The following ACP2 variants were observed in gnomAD, a reference collection of about 807,000 sequenced individuals.
The protein encoded by ACP2 is acid phosphatase 2, lysosomal, also known as lysosomal acid phosphatase.
Under a neutral mutation model 54.7 loss-of-function variants are expected in ACP2, and 35 were observed. The ratio of observed to expected loss-of-function variants is 0.64; its 90% CI spans 0.49 to 0.85. The LOEUF (loss-of-function observed/expected upper bound fraction) is 0.85, where lower values mean the gene tolerates loss of function less well. ACP2 is among the 40% of genes least tolerant of loss of function. The probability of loss-of-function intolerance (pLI) is 0.00; values close to 1 mark genes in which losing one functional copy is unlikely to be tolerated. For synonymous variants in ACP2, 210 were observed against 224.4 expected (o/e 0.94, Z 0.57); for missense variants, 492 against 565.0 (o/e 0.87, Z 1.31).
At chr11:47,246,695 A>T (rs1308697170) in intron 3 of ACP2, among the ~76,000 whole-genome samples, 2 of 151,876 alleles carry the variant, frequency 1.3e-5, no homozygotes, top group African/African-American at 4.8e-5. Flanking sequence ...GGCCAACATG[A>T]TGAAATCCTG....
Position 47,239,963 on chromosome 11 carries a change from C to A in ACP2, c.*153G>T. On this transcript the variant is annotated 3_prime_UTR_variant, in exon 11 of 11. Transcript: ENST00000672073. ...AATGCTGAGTGACAGGCACCATGGGCCACGCTGAGCCCCACTCGCTCATCT... is the reference window on the plus strand; with the variant it reads ...AATGCTGAGTGACAGGCACCATGGGACACGCTGAGCCCCACTCGCTCATCT... 1.4e-6 allele frequency: 1 copy of A among 720,286 alleles called. No homozygotes were observed. The highest frequency in any genetic ancestry group is 2.3e-6 in the Non-Finnish European group (1 of 443,422). 44.6% of individuals were successfully genotyped at this position (720,286 alleles called of 1,614,324 possible).
rs1322331794 is a variant in ACP2 at position 47,248,793 on chromosome 11, C to T, written c.-4G>A. On this transcript the variant is annotated 5_prime_UTR_variant, in exon 1 of 11. Coordinates refer to ENST00000672073, the MANE Select transcript of ACP2 (RefSeq NM_001610.4). Reference sequence around the variant, plus strand: ...AGCCGGACCGCTTGCCCGCCATCACCGTTGTAATCTATGCAGCAAACAAGC... The same window carrying T: ...AGCCGGACCGCTTGCCCGCCATCACTGTTGTAATCTATGCAGCAAACAAGC... 3 of 1,588,046 alleles carry T rather than the reference C, an allele frequency of 1.9e-6. No individual in the cohort carries two copies. Among genetic ancestry groups the T allele is most frequent in the Non-Finnish European group, 2.6e-6 (3 of 1,166,868 alleles).
intron 10 of ACP2, 31 bp from the exon 11 acceptor site, chr11:47,240,280 T>G (rs200729606): frequency 6.2e-6 from 7 of 1,120,292 alleles, no homozygotes; most frequent in Non-Finnish European, 9.6e-6. Context: ...AGAAAGGTCA[T>G]GTCAGCGTTC....
intron 2 of ACP2, 106 bp from the exon 3 acceptor site, chr11:47,247,833 A>G (rs947551990): frequency 8.7e-7 from 1 of 1,146,974 alleles, no homozygotes; most frequent in Non-Finnish European, 1.2e-6. Context: ...TGCTGGAGTC[A>G]ATTAATCTGA....
intron 3 of ACP2, chr11:47,247,286 C>T: frequency 3.3e-6 from 1 of 306,876 alleles, no homozygotes; most frequent in Non-Finnish European, 6.2e-6. Flanking sequence ...AGACAGAGAT[C>T]ATATCTGTAT....
chr11:47,245,025 T>A, intron 6 of ACP2, 158 bp from the exon 7 acceptor site: 1 of 1,355,076 alleles, frequency 7.4e-7, no homozygotes, highest in Non-Finnish European at 9.9e-7. Context: ...GCGGTGTGGA[T>A]GCTTCAGGGC....
intron 7 of ACP2, 139 bp downstream of exon 7, chr11:47,244,596 G>A (rs1434417071): frequency 1.6e-5 from 9 of 576,784 alleles, no homozygotes; most frequent in South Asian, 4.4e-5. Flanking sequence ...GGTGACTAGC[G>A]GCATGAGGAG....
intron 10 of ACP2, 64 bp from the exon 11 acceptor site, chr11:47,240,313 T>C: frequency 3.5e-6 from 3 of 845,590 alleles, no homozygotes; most frequent in Non-Finnish European, 6.1e-6. Flanking sequence ...GCTACTGTTC[T>C]GACATATAGG....
At chr11:47,247,181 A>G (rs1954162072) in intron 3 of ACP2, among the ~76,000 whole-genome samples, 1 of 152,120 alleles carries the variant, frequency 6.6e-6, no homozygotes, top group African/African-American at 2.4e-5. Context: ...TCAAGAAAAG[A>G]CAAGCCCTCT....
intron 10 of ACP2, 48 bp downstream of exon 10, chr11:47,242,675 G>A: frequency 6.3e-6 from 10 of 1,577,816 alleles, no homozygotes; most frequent in Non-Finnish European, 8.6e-6. Flanking sequence ...GATGTGAACT[G>A]CAGGCTGGTC....
chr11:47,247,802 T>A, intron 2 of ACP2, 75 bp from the exon 3 acceptor site: 1 of 1,446,576 alleles, frequency 6.9e-7, no homozygotes, highest in Non-Finnish European at 9.5e-7. Context: ...TTAGGCCCTG[T>A]TGCTTTCCAG....
intron 10 of ACP2, among the ~76,000 whole-genome samples, chr11:47,240,872 A>G (rs989713087): frequency 2.0e-5 from 3 of 152,156 alleles, no homozygotes; most frequent in Non-Finnish European, 2.9e-5. Context: ...TGTGATACAG[A>G]GAGACAAAGC....
intron 3 of ACP2, among the ~76,000 whole-genome samples, chr11:47,246,818 G>A (rs1161918570): frequency 2.6e-5 from 4 of 152,120 alleles, no homozygotes; most frequent in East Asian, 3.8e-4. Flanking sequence ...GGAGGTTGCA[G>A]TGAGCCAAGA....
In ACP2 at chr11:47,243,147, G is replaced by A. The variant is rs201171124; in HGVS notation, c.856-23C>T. 123 of 1,612,854 alleles carry A rather than the reference G, an allele frequency of 7.6e-5. No homozygotes were observed. In the East Asian group the frequency reaches 7.8e-4, roughly 10 times the overall value. ...GTGCTGCGGGGGAGAGGGGCTGCCCGTCAGCATTGTTCCCCACACCCGCAG... is the reference window on the plus strand; with the variant it reads ...GTGCTGCGGGGGAGAGGGGCTGCCCATCAGCATTGTTCCCCACACCCGCAG... On this transcript the variant is annotated intron_variant, in intron 8 of 10. Transcript: ENST00000672073.
rs761987849 is a variant in ACP2 at position 47,243,058 on chromosome 11, C to T, written c.922G>A (p.Ala308Thr). ...TACAGTTCAAATATGTGGCAGGAGG[C>T]GTAGGGGGCTTGTTCACCATTGTAG... ...DVYNGEQAPY[A>T]SCHIFELYQE... The change falls in exon 9 of 11, where the codon GCC becomes ACC. Residue 308 changes from alanine (A) to threonine (T), a missense_variant. Transcript: ENST00000672073. The T allele has an allele frequency of 1.1e-5, 18 of 1,614,240 alleles. 1 individual carries two copies. The South Asian group carries it at 1.3e-4, about 12-fold the overall frequency.
intron 1 of ACP2, 169 bp from the exon 2 acceptor site, chr11:47,248,302 T>G: frequency 9.7e-7 from 1 of 1,031,950 alleles, no homozygotes; most frequent in Non-Finnish European, 1.4e-6. Context: ...ATTCCAGAGA[T>G]TCTAACTTAG....
chr11:47,239,952 G>A lies in ACP2; in HGVS notation c.*164C>T, dbSNP rs1953825172. On this transcript the variant is annotated 3_prime_UTR_variant, in exon 11 of 11. Coordinates refer to ENST00000672073, the MANE Select transcript of ACP2 (RefSeq NM_001610.4). Reference sequence around the variant, plus strand: ...TCAGGCATGGGAATGCTGAGTGACAGGCACCATGGGCCACGCTGAGCCCCA... The same window carrying A: ...TCAGGCATGGGAATGCTGAGTGACAAGCACCATGGGCCACGCTGAGCCCCA... The A allele has an allele frequency of 4.5e-6, 3 of 660,354 alleles. No individual in the cohort carries two copies. The South Asian group carries it at 6.0e-5, about 13-fold the overall frequency. 40.9% of individuals were successfully genotyped at this position (660,354 alleles called of 1,614,324 possible).
intron 3 of ACP2, among the ~76,000 whole-genome samples, chr11:47,246,936 G>A (rs1266337631): frequency 3.9e-5 from 6 of 152,080 alleles, no homozygotes; most frequent in Admixed American, 3.9e-4. Flanking sequence ...AAAGGGAGGA[G>A]GAAACTGGGG....
In ACP2 at chr11:47,248,393, GT is replaced by G. The variant is rs1178756007; in HGVS notation, c.115-261del. On this transcript the variant is annotated intron_variant, in intron 1 of 10. Transcript: ENST00000672073. ...AAGAGAAGTGAAAGCAACGTATGTG[GT>G]GGGGACAACTGGGGAAAAAAGATAA... 90 of 1,502,332 alleles carry G rather than the reference GT, an allele frequency of 6.0e-5. No homozygotes were observed. The Admixed American group carries it at 1.2e-3, about 20-fold the overall frequency. The allele number at this position is 1,502,332 out of a possible 1,614,324, so 93.1% of individuals were successfully genotyped here. A position where few individuals can be genotyped will look rare whatever the true frequency, so the allele number is the denominator to read the frequency against.
Sources: allele counts gnomAD v4.1 joint callset (sites outside exome capture counted in the v4.1 genomes callset), GRCh38; gene constraint gnomAD v4.1.1; transcripts MANE v1.5; gene names NCBI Gene and HGNC (gene_info 2026-07-23, HGNC 2026-07-21).